UBE2R2: variants seen among roughly 807,000 people sequenced by gnomAD.
UBE2R2 encodes ubiquitin conjugating enzyme E2 R2, also known as ubiquitin-conjugating enzyme E2 R2.
Under a neutral mutation model 27.8 loss-of-function variants are expected in UBE2R2, and 1 was observed. The ratio of observed to expected loss-of-function variants is 0.04; its 90% CI spans 0.01 to 0.17. The LOEUF is 0.17. Ranked by LOEUF, UBE2R2 falls within the 10% of genes least tolerant of loss-of-function variation. The pLI is 1.00. For missense variants in UBE2R2, 100 were observed against 291.0 expected (o/e 0.34, Z 4.78); for synonymous variants, 106 against 113.3 (o/e 0.94, Z 0.41).
At chr9:33,896,991 G>T (rs1822122387) in intron 2 of UBE2R2, among the ~76,000 whole-genome samples, 2 of 140,294 alleles carry the variant, frequency 1.4e-5, no homozygotes, top group Non-Finnish European at 1.5e-5. Context: ...TATATATTAC[G>T]CTCTGAACCA....
chr9:33,884,509 C>T (rs1028352189), intron 1 of UBE2R2, among the ~76,000 whole-genome samples: 1 of 151,990 alleles, frequency 6.6e-6, no homozygotes, highest in Middle Eastern at 3.4e-3. Context: ...AAATTCTGGG[C>T]TCAAGGGATC....
chr9:33,829,623 C>T (rs554141888), intron 1 of UBE2R2, among the ~76,000 whole-genome samples: 1 of 152,170 alleles, frequency 6.6e-6, no homozygotes, highest in Admixed American at 6.6e-5. Flanking sequence ...TTTCTCAATA[C>T]AATATTGGTT....
intron 1 of UBE2R2, among the ~76,000 whole-genome samples, chr9:33,878,833 T>C (rs1355109643): frequency 1.3e-5 from 2 of 152,112 alleles, no homozygotes; most frequent in Admixed American, 6.6e-5. Flanking sequence ...TGGTGATAGT[T>C]GGGCACAGGA....
At chr9:33,835,238 C>T (rs1344507629) in intron 1 of UBE2R2, among the ~76,000 whole-genome samples, 1 of 147,160 alleles carries the variant, frequency 6.8e-6, no homozygotes, top group Non-Finnish European at 1.5e-5. Flanking sequence ...ACCTCTGTCT[C>T]CAGGTTCAAG....
intron 1 of UBE2R2, among the ~76,000 whole-genome samples, chr9:33,874,742 GCTCA>G (rs1821566214): frequency 6.6e-6 from 1 of 152,050 alleles, no homozygotes; most frequent in Admixed American, 6.6e-5. Flanking sequence ...CAGGATCATA[GCTCA>G]CTGCAGCCTG....
At chr9:33,817,086 C>T (rs899479936), upstream of UBE2R2, among the ~76,000 whole-genome samples, 4 of 152,014 alleles carry the variant, frequency 2.6e-5, no homozygotes, top group African/African-American at 7.2e-5. Flanking sequence ...GCGCGTCGGG[C>T]CGCCAGCCGC....
At chr9:33,863,670 A>T (rs567688023) in intron 1 of UBE2R2, among the ~76,000 whole-genome samples, 2 of 152,220 alleles carry the variant, frequency 1.3e-5, no homozygotes, top group African/African-American at 4.8e-5. Context: ...GGCAAAACTG[A>T]TGGCTAATTT....
At chr9:33,863,239 G>A (rs571263266) in intron 1 of UBE2R2, among the ~76,000 whole-genome samples, 1 of 151,566 alleles carries the variant, frequency 6.6e-6, no homozygotes, top group South Asian at 2.1e-4. Context: ...TGGGTACATG[G>A]TAAGCCGGGC....
chr9:33,845,869 G>A (rs1225316279), intron 1 of UBE2R2, among the ~76,000 whole-genome samples: 5 of 151,596 alleles, frequency 3.3e-5, no homozygotes, highest in South Asian at 2.1e-4. Context: ...TTGGCTGGGC[G>A]CGGTGGCTCA....
upstream of UBE2R2, among the ~76,000 whole-genome samples, chr9:33,815,431 T>G (rs1326607258): frequency 6.6e-6 from 1 of 152,220 alleles, no homozygotes; most frequent in Non-Finnish European, 1.5e-5. Context: ...TGACTATCTT[T>G]TCAATTTTTC....
chr9:33,877,194 T>A (rs1176805131), intron 1 of UBE2R2, among the ~76,000 whole-genome samples: 1 of 150,588 alleles, frequency 6.6e-6, no homozygotes, highest in African/African-American at 2.4e-5. Context: ...TTTTTTTTTT[T>A]TTTTTGAGAC....
intron 2 of UBE2R2, among the ~76,000 whole-genome samples, chr9:33,899,230 T>G (rs977233725): frequency 4.6e-5 from 7 of 152,156 alleles, no homozygotes; most frequent in Admixed American, 3.3e-4. Context: ...TTTTTTAAGA[T>G]GGAGTCTCAT....
intron 3 of UBE2R2, among the ~76,000 whole-genome samples, chr9:33,908,235 G>GCC (rs1822405664): frequency 6.6e-6 from 1 of 152,198 alleles, no homozygotes; most frequent in African/African-American, 2.4e-5. Flanking sequence ...GACCAATGCT[G>GCC]TCAGCTTTCC....
At chr9:33,835,145 GTTTTTTTTT>G (rs3060448) in intron 1 of UBE2R2, among the ~76,000 whole-genome samples, 8 of 112,110 alleles carry the variant, frequency 7.1e-5, no homozygotes, top group African/African-American at 2.8e-4. Context: ...CTAAGTGTAG[GTTTTTTTTT>G]TTTTTTTTTT....
rs1825841225 is a variant in UBE2R2, at chr9:33,817,805, G to A, written c.48G>A (p.Glu16=). Residue 16 remains glutamate, a synonymous_variant, in exon 1 of 5, where the codon GAG becomes GAA. Coordinates refer to ENST00000263228, the MANE Select transcript of UBE2R2 (RefSeq NM_017811.4). The part of the protein sequence containing the change: ...MTSSQKALML[E]LKSLQEEPVE... ...GCTCGCAGAAGGCCCTGATGCTCGA[G>A]CTGAAATCCCTGCAGGAGGAACCGG... The A allele has an allele frequency of 1.2e-6, 2 of 1,611,406 alleles. No individual in the cohort carries two copies. The highest frequency in any genetic ancestry group is 1.7e-6 in the Non-Finnish European group (2 of 1,178,856).
At chr9:33,911,655 C>T (rs1345850220) in intron 3 of UBE2R2, among the ~76,000 whole-genome samples, 1 of 152,050 alleles carries the variant, frequency 6.6e-6, no homozygotes, top group South Asian at 2.1e-4. Flanking sequence ...GTGCATTACC[C>T]TTATACTAGA....
intron 4 of UBE2R2, among the ~76,000 whole-genome samples, chr9:33,916,731 G>C (rs1159570641): frequency 2.6e-5 from 4 of 152,174 alleles, no homozygotes; most frequent in Non-Finnish European, 4.4e-5. Context: ...ATGAATCGGA[G>C]GACAGCCAGT....
intron 1 of UBE2R2, among the ~76,000 whole-genome samples, chr9:33,872,608 G>A (rs1821510243): frequency 6.6e-6 from 1 of 151,986 alleles, no homozygotes; most frequent in African/African-American, 2.4e-5. Flanking sequence ...CCAACATGGA[G>A]AAACCCCGTC....
At position 33,918,660 on chromosome 9, in the gene UBE2R2, G is replaced by C. The variant is rs1822716910; in HGVS notation, c.*1423G>C. The C allele has an allele frequency of 6.6e-6, 1 of 152,544 alleles. No homozygotes were observed. The highest frequency in any genetic ancestry group is 2.4e-5 in the African/African-American group (1 of 41,406). 9.4% of individuals were successfully genotyped at this position (152,544 alleles called of 1,614,324 possible). On this transcript the variant is annotated 3_prime_UTR_variant, in exon 5 of 5. Transcript: ENST00000263228. ...GTTATGGGGGTGCACCAGATCATAGGAGGGCATTATTTGGAGGAAACCGCT... is the reference window on the plus strand; with the variant it reads ...GTTATGGGGGTGCACCAGATCATAGCAGGGCATTATTTGGAGGAAACCGCT...
Sources: allele counts gnomAD v4.1 joint callset (sites outside exome capture counted in the v4.1 genomes callset), GRCh38; gene constraint gnomAD v4.1.1; transcripts MANE v1.5; gene names NCBI Gene and HGNC (gene_info 2026-07-23, HGNC 2026-07-21).